Variants in ATAD3B observed in about 807,000 individuals in gnomAD.
ATAD3B encodes the protein ATPase family AAA domain containing 3B.
In ATAD3B, 59 loss-of-function variants were observed where a neutral mutation model predicts 70.2. That is an observed-to-expected ratio of 0.84 (90% confidence interval 0.68 to 1.04). The LOEUF (loss-of-function observed/expected upper bound fraction) is 1.04, where lower values mean the gene tolerates loss of function less well. Ranked by LOEUF, ATAD3B falls within the 50% of genes least tolerant of loss-of-function variation. ATAD3B has a pLI of 0.00. For missense variants in ATAD3B, 961 were observed against 913.4 expected (o/e 1.05, Z -0.67); for synonymous variants, 423 against 388.6 (o/e 1.09, Z -1.04).
chr1:1,500,549 G>A (rs571468220), downstream of ATAD3B, among the ~76,000 whole-genome samples: 37 of 136,150 alleles, frequency 2.7e-4, no homozygotes, highest in Middle Eastern at 7.8e-3. Context: ...GCGAGACTCC[G>A]TCTCAAAAAA....
chr1:1,482,700 G>T (rs1211003424), intron 7 of ATAD3B, 86 bp downstream of exon 7: 1 of 1,597,158 alleles, frequency 6.3e-7, no homozygotes, highest in South Asian at 1.1e-5. Flanking sequence ...TGTCCCTGCC[G>T]GCTCTGCACA....
At chr1:1,503,717 G>C in the ATAD3B span, 1 of 1,598,984 alleles carries the variant, frequency 6.3e-7, no homozygotes, top group Admixed American at 1.7e-5. Context: ...TTCGGGCATG[G>C]AGATTGGTAG....
intron 15 of ATAD3B, among the ~76,000 whole-genome samples, chr1:1,491,067 T>G: frequency 6.6e-6 from 1 of 151,914 alleles, no homozygotes; most frequent in East Asian, 1.9e-4. Context: ...GACGTTGTGT[T>G]TCCTGGACCA....
At chr1:1,500,360 G>A (rs1430499626), downstream of ATAD3B, among the ~76,000 whole-genome samples, 3 of 149,646 alleles carry the variant, frequency 2.0e-5, 1 homozygote, top group Non-Finnish European at 3.0e-5. Context: ...AGACCATCCT[G>A]GATAACACGG....
intron 1 of ATAD3B, among the ~76,000 whole-genome samples, 186 bp downstream of exon 1, chr1:1,472,275 T>C (rs960630458): frequency 1.3e-5 from 2 of 152,012 alleles, no homozygotes; most frequent in Non-Finnish European, 1.5e-5. Context: ...CGTCACCCGT[T>C]TGCACCTCTG....
In ATAD3B at chr1:1,495,847, C is replaced by T. The variant is rs1222265667; in HGVS notation, c.*30C>T. The T allele has an allele frequency of 6.6e-7, 1 of 1,518,964 alleles. No individual in the cohort carries two copies. Among genetic ancestry groups the T allele is most frequent in the Admixed American group, 2.1e-5 (1 of 46,996 alleles). 94.1% of individuals were successfully genotyped at this position (1,518,964 alleles called of 1,614,324 possible). ...TGGCTAGGGAGGGGCAGGCCTCCTTCCTGCCCCTCGAGACACTCTTGGGAG... is the reference window on the plus strand; with the variant it reads ...TGGCTAGGGAGGGGCAGGCCTCCTTTCTGCCCCTCGAGACACTCTTGGGAG... On this transcript the variant is annotated 3_prime_UTR_variant, in exon 16 of 16. Coordinates refer to ENST00000673477, the MANE Select transcript of ATAD3B (RefSeq NM_031921.6).
intron 15 of ATAD3B, among the ~76,000 whole-genome samples, chr1:1,493,818 G>A (rs529365873): frequency 4.6e-5 from 7 of 151,848 alleles, no homozygotes; most frequent in Middle Eastern, 6.8e-3. Flanking sequence ...TGCTAAATTC[G>A]TTTTGCTGGC....
At chr1:1,477,213 T>G in intron 1 of ATAD3B, 61 bp from the exon 2 acceptor site, 1 of 1,595,408 alleles carries the variant, frequency 6.3e-7, no homozygotes, top group Non-Finnish European at 8.6e-7. Flanking sequence ...TTTCACCATG[T>G]TGGCCAGGCT....
chr1:1,485,072 C>G lies in ATAD3B; in HGVS notation c.807C>G (p.Ala269=). 1 of 1,608,146 alleles carries G rather than the reference C, an allele frequency of 6.2e-7. No individual in the cohort carries two copies. The highest frequency in any genetic ancestry group is 8.5e-7 in the Non-Finnish European group (1 of 1,178,446). The change falls in exon 8 of 16, where the codon GCC becomes GCG. Residue 269 remains alanine, a synonymous_variant. Coordinates refer to ENST00000673477, the MANE Select transcript of ATAD3B (RefSeq NM_031921.6). ...VGVYSAKNAT[A]VTGRFIEARL... ...TCTACTCAGCCAAGAATGCGACAGC[C>G]GTCACTGGCCGCTTCATCGAGGCTC...
rs1383599147 is a variant in ATAD3B at position 1,482,215 on chromosome 1, A to C, written c.592A>C (p.Lys198Gln). The stretch of plus-strand genomic sequence containing the variant: ...GGAGACCGAGGCCCGGGCGCGCGCC[A>C]AGGCCGAGCGGGAGAATGCAGACAT... ...RVETEARARA[K>Q]AERENADIIR... The change falls in exon 6 of 16, where the codon AAG becomes CAG. Residue 198 changes from lysine to glutamine, a missense_variant. Lys to Gln is a moderately conservative substitution (Grantham distance 53, BLOSUM62 1). This residue lies in a region of ATAD3B where 349 missense variants were observed against 307.5 expected (regional missense o/e 1.14). Transcript: ENST00000673477. 1 of 1,611,202 alleles carries C rather than the reference A, an allele frequency of 6.2e-7. No homozygotes were observed. Among genetic ancestry groups the C allele is most frequent in the Non-Finnish European group, 8.5e-7 (1 of 1,179,306 alleles).
chr1:1,506,131 G>A, the ATAD3B span, among the ~76,000 whole-genome samples: 1 of 152,114 alleles, frequency 6.6e-6, no homozygotes, highest in Non-Finnish European at 1.5e-5. Flanking sequence ...TACCTGGGAG[G>A]CTGAGAGGCA....
At chr1:1,508,212 T>C in the ATAD3B span, among the ~76,000 whole-genome samples, 4 of 151,186 alleles carry the variant, frequency 2.6e-5, no homozygotes, top group African/African-American at 9.9e-5. Context: ...CTCCAGTCAG[T>C]GTCTCCTGCG....
rs1193403183 is a variant in ATAD3B at position 1,485,050 on chromosome 1, A to G, written c.785A>G (p.Tyr262Cys). ...AGLTLLAVGV[Y>C]SAKNATAVTG... ...CTGACGCTGCTGGCTGTCGGGGTCTACTCAGCCAAGAATGCGACAGCCGTC... is the reference window on the plus strand; with the variant it reads ...CTGACGCTGCTGGCTGTCGGGGTCTGCTCAGCCAAGAATGCGACAGCCGTC... Residue 262 changes from tyrosine (Y) to cysteine (C), a missense_variant, in exon 8 of 16, where the codon TAC (tyrosine) becomes TGC (cysteine). Tyr to Cys is a radical substitution (Grantham distance 194). Coordinates refer to ENST00000673477, the MANE Select transcript of ATAD3B (RefSeq NM_031921.6). The G allele has an allele frequency of 6.2e-7, 1 of 1,605,008 alleles. No homozygotes were observed. Among genetic ancestry groups the G allele is most frequent in the South Asian group, 1.1e-5 (1 of 90,022 alleles).
chr1:1,496,365 T>G lies in ATAD3B; in HGVS notation c.*548T>G. ...CATCAGCCTCGCGCCACATCCGAGTTGGGGTCTGAATGCTGCCCGGGACTG... is the reference window on the plus strand; with the variant it reads ...CATCAGCCTCGCGCCACATCCGAGTGGGGGTCTGAATGCTGCCCGGGACTG... On this transcript the variant is annotated 3_prime_UTR_variant, in exon 16 of 16. Transcript: ENST00000673477. 1 of 625,006 alleles carries G rather than the reference T, an allele frequency of 1.6e-6. No homozygotes were observed. Among genetic ancestry groups the G allele is most frequent in the Non-Finnish European group, 2.0e-6 (1 of 500,150 alleles). The allele number at this position is 625,006 out of a possible 1,614,324, so 38.7% of individuals were successfully genotyped here. A position where few individuals can be genotyped will look rare whatever the true frequency, so the allele number is the denominator to read the frequency against.
rs749106290 is a variant in ATAD3B at position 1,482,536 on chromosome 1, T to C, written c.681-9T>C. On this transcript the variant is annotated splice_polypyrimidine_tract_variant and intron_variant, in intron 6 of 15. Transcript: ENST00000673477. ...GTCCTTCCTGGTCACACCACTGCTT[T>C]CCCCGCAGGACGGCTGGCACCTTGT... 4 of 1,613,340 alleles carry C rather than the reference T, an allele frequency of 2.5e-6. No homozygotes were observed. The East Asian group carries it at 8.9e-5, about 36-fold the overall frequency.
chr1:1,489,688 C>T (rs569711909), intron 13 of ATAD3B: 9 of 1,317,688 alleles, frequency 6.8e-6, no homozygotes, highest in Admixed American at 4.6e-5. Flanking sequence ...CTGGGCCCCT[C>T]CAGCCCCAGT....
intron 15 of ATAD3B, among the ~76,000 whole-genome samples, chr1:1,493,964 T>TC (rs1374524208): frequency 6.6e-6 from 1 of 151,996 alleles, no homozygotes; most frequent in African/African-American, 2.4e-5. Flanking sequence ...CTTCAATTTG[T>TC]CCAAGAGTTT....
chr1:1,503,837 A>G, the ATAD3B span, among the ~76,000 whole-genome samples: 3 of 152,048 alleles, frequency 2.0e-5, no homozygotes, highest in Non-Finnish European at 2.9e-5. Context: ...GGTGAGAGAC[A>G]GTGCCGCAGA....
At chr1:1,490,769 A>G in intron 15 of ATAD3B, 98 bp downstream of exon 15, 6 of 1,510,752 alleles carry the variant, frequency 4.0e-6, no homozygotes, top group Non-Finnish European at 5.3e-6. Context: ...GTCATGTGGG[A>G]GCTTCTGTTG....
Sources: gnomAD v4.1 joint callset for allele counts (sites outside exome capture counted in the v4.1 genomes callset) on GRCh38, gnomAD v4.1.1 for gene constraint, gnomAD v4.1.1 regional missense constraint, MANE v1.5 for transcripts, NCBI Gene and HGNC (gene_info 2026-07-23, HGNC 2026-07-21) for gene names.